NLGN4Y: variants seen among roughly 807,000 people sequenced by gnomAD.
NLGN4Y encodes the protein neuroligin-4, Y-linked.
In NLGN4Y, 4 loss-of-function variants were observed where a neutral mutation model predicts 8.4. The ratio of observed to expected loss-of-function variants is 0.48; its 90% CI spans 0.23 to 1.09. NLGN4Y has a LOEUF of 1.09. Ranked by LOEUF, NLGN4Y falls within the 50% of genes least tolerant of loss-of-function variation. NLGN4Y has a pLI of 0.19. For missense variants in NLGN4Y, 90 were observed against 192.3 expected (o/e 0.47, Z 3.15); for synonymous variants, 35 against 75.6 (o/e 0.46, Z 2.78).
At chrY:14,725,169 G>A in intron 4 of NLGN4Y, among the ~76,000 whole-genome samples, 2 of 33,532 alleles carry the variant, frequency 6.0e-5, no homozygotes, top group Non-Finnish European at 1.5e-4. Flanking sequence ...GCTTTCAGAT[G>A]CTTCCATTCC....
chrY:14,709,357 A>C (rs905725242), intron 2 of NLGN4Y, among the ~76,000 whole-genome samples: 5 of 33,818 alleles, frequency 1.5e-4, no homozygotes, highest in Non-Finnish European at 3.7e-4. Context: ...GCTATTTATC[A>C]ACCTATCTCT....
Position 14,641,275 on chromosome Y carries a change from C to T in NLGN4Y, c.472+18684C>T. Among the ~76,000 whole-genome samples, 4 of 32,552 alleles carry T rather than the reference C, an allele frequency of 1.2e-4. No homozygotes were observed. The East Asian group carries it at 2.4e-3, about 20-fold the overall frequency. The allele number at this position is 32,552 out of a possible 37,273, so 87.3% of individuals were successfully genotyped here. ...ACATAATTTGTATTTGCTGCTTTCA[C>T]GTAAATATTGGTATTTTAAAATAAA... On this transcript the variant is annotated intron_variant, in intron 2 of 6. Coordinates refer to ENST00000684976, the MANE Select transcript of NLGN4Y (RefSeq NM_001365588.1).
At chrY:14,711,317 AT>A (rs773509589) in intron 2 of NLGN4Y, among the ~76,000 whole-genome samples, 23 of 31,890 alleles carry the variant, frequency 7.2e-4, no homozygotes, top group African/African-American at 2.8e-3. Flanking sequence ...ATATCATTAT[AT>A]TTTTTTTTCT....
intron 1 of NLGN4Y, among the ~76,000 whole-genome samples, chrY:14,560,859 T>C: frequency 3.0e-5 from 1 of 33,479 alleles, no homozygotes; most frequent in African/African-American, 1.2e-4. Flanking sequence ...ATTTTCTGTG[T>C]GTTTAATTCT....
At chrY:14,697,343 A>AAGAT (rs763145305) in intron 2 of NLGN4Y, among the ~76,000 whole-genome samples, 63 of 31,751 alleles carry the variant, frequency 2.0e-3, no homozygotes, top group East Asian at 0.012. Flanking sequence ...GATAGATAGA[A>AAGAT]AGATAGATAG....
chrY:14,660,013 G>A (rs2080668382), intron 2 of NLGN4Y, among the ~76,000 whole-genome samples: 2 of 33,640 alleles, frequency 5.9e-5, no homozygotes, highest in African/African-American at 2.3e-4. Flanking sequence ...AAATCCTAAC[G>A]TCAAGCGATC....
chrY:14,818,621 G>A (rs2043111161), intron 4 of NLGN4Y, among the ~76,000 whole-genome samples: 1 of 33,241 alleles, frequency 3.0e-5, no homozygotes, highest in East Asian at 8.1e-4. Flanking sequence ...GTCCTCTGGG[G>A]CAGTGTGCTT....
chrY:14,697,397 A>C, intron 2 of NLGN4Y, among the ~76,000 whole-genome samples: 1 of 31,895 alleles, frequency 3.1e-5, no homozygotes, highest in Non-Finnish European at 7.6e-5. Context: ...AGATACATAG[A>C]TAAATGATAG....
chrY:14,729,222 G>A (rs2080964092), intron 4 of NLGN4Y, among the ~76,000 whole-genome samples: 1 of 33,482 alleles, frequency 3.0e-5, no homozygotes, highest in Non-Finnish European at 7.4e-5. Flanking sequence ...ACCGCATACT[G>A]GTTTATGGCT....
Position 14,756,840 on chromosome Y carries a change from A to G in NLGN4Y, c.685+33571A>G. Among the ~76,000 whole-genome samples the G allele has an allele frequency of 1.7e-4, 3 of 17,283 alleles. No homozygotes were observed. In the Admixed American group the frequency reaches 2.4e-3, roughly 14 times the overall value. 46.4% of individuals were successfully genotyped at this position (17,283 alleles called of 37,273 possible). A position where few individuals can be genotyped will look rare whatever the true frequency, so the allele number is the denominator to read the frequency against. ...ATATACTATATACACATATACACAC[A>G]TATATGTGTGTATACATATTTTATA... On this transcript the variant is annotated intron_variant, in intron 4 of 6. Coordinates refer to ENST00000684976, the MANE Select transcript of NLGN4Y (RefSeq NM_001365588.1).
chrY:14,826,609 T>G, intron 5 of NLGN4Y, among the ~76,000 whole-genome samples: 1 of 33,365 alleles, frequency 3.0e-5, no homozygotes, highest in Non-Finnish European at 7.4e-5. Flanking sequence ...CTGGAATTGT[T>G]ATTTATTAAA....
chrY:14,748,425 G>A (rs2081029324), intron 4 of NLGN4Y, among the ~76,000 whole-genome samples: 1 of 33,113 alleles, frequency 3.0e-5, no homozygotes, highest in African/African-American at 1.2e-4. Context: ...CACAATAGAT[G>A]TTCCCTGCCT....
At chrY:14,698,862 A>T (rs2080840464) in intron 2 of NLGN4Y, among the ~76,000 whole-genome samples, 3 of 32,899 alleles carry the variant, frequency 9.1e-5, no homozygotes, top group African/African-American at 3.6e-4. Flanking sequence ...GGTATTCGGC[A>T]TATCCATCAT....
At chrY:14,619,425 AT>A (rs2080500744) in intron 1 of NLGN4Y, among the ~76,000 whole-genome samples, 1 of 34,146 alleles carries the variant, frequency 2.9e-5, no homozygotes, top group African/African-American at 1.1e-4. Context: ...TGCCTAATGA[AT>A]TTGAATGAGC....
chrY:14,621,821 T>A (rs1603501525), intron 1 of NLGN4Y, among the ~76,000 whole-genome samples, 188 bp from the exon 2 acceptor site: 1 of 32,813 alleles, frequency 3.0e-5, no homozygotes, highest in Non-Finnish European at 7.5e-5. Context: ...TAAAAAAAAA[T>A]AATAATAATA....
At chrY:14,594,860 T>C (rs2080388191) in intron 1 of NLGN4Y, among the ~76,000 whole-genome samples, 1 of 32,826 alleles carries the variant, frequency 3.0e-5, no homozygotes, top group Non-Finnish European at 7.5e-5. Context: ...ACAACTCCAG[T>C]CCCCATGATC....
intron 4 of NLGN4Y, among the ~76,000 whole-genome samples, chrY:14,806,526 T>C: frequency 3.2e-5 from 1 of 31,504 alleles, no homozygotes; most frequent in Non-Finnish European, 7.7e-5. Context: ...AGTTGGAAAA[T>C]TGAGATAAAG....
intron 4 of NLGN4Y, among the ~76,000 whole-genome samples, chrY:14,741,967 T>C (rs2081007226): frequency 2.9e-5 from 1 of 33,930 alleles, no homozygotes; most frequent in Admixed American, 2.7e-4. Context: ...TGGAGATAAG[T>C]GCTGAAAAAG....
intron 4 of NLGN4Y, among the ~76,000 whole-genome samples, chrY:14,760,570 C>T: frequency 3.0e-5 from 1 of 33,494 alleles, no homozygotes. Context: ...TCAGAATGTT[C>T]AGATTTGTCA....
Sources: gnomAD v4.1 joint callset for allele counts (sites outside exome capture counted in the v4.1 genomes callset) on GRCh38, gnomAD v4.1.1 for gene constraint, MANE v1.5 for transcripts, NCBI Gene and HGNC (gene_info 2026-07-23, HGNC 2026-07-21) for gene names.